The following IL23R variants were observed in gnomAD, a reference collection of about 807,000 sequenced individuals.
IL23R encodes the protein interleukin 23 receptor.
A neutral mutation model predicts 56.9 loss-of-function variants in IL23R; 34 were observed. The observed-to-expected ratio is 0.60, with a 90% CI of 0.45 to 0.80. The LOEUF is 0.80. Ranked by LOEUF, IL23R falls within the 30% of genes least tolerant of loss-of-function variation. IL23R has a pLI of 0.00. For synonymous variants in IL23R, 230 were observed against 249.2 expected (o/e 0.92, Z 0.73); for missense variants, 635 against 730.0 (o/e 0.87, Z 1.50).
chr1:67,169,529 G>A lies in IL23R; in HGVS notation c.258G>A (p.Arg86=), dbSNP rs753589961. Residue 86 remains arginine (R), a synonymous_variant, in exon 3 of 11, where the codon CGG becomes CGA. Transcript: ENST00000347310. The part of the protein sequence containing the change: ...QITRINKTTA[R]LWYKNFLEPH... The stretch of plus-strand genomic sequence containing the variant: ...CAAGGATTAATAAAACAACAGCTCG[G>A]CTTTGGTATAAAAACTTTCTGGAAC... The A allele has an allele frequency of 1.3e-5, 21 of 1,613,754 alleles. No individual in the cohort carries two copies. Among genetic ancestry groups the A allele is most frequent in the Non-Finnish European group, 1.8e-5 (21 of 1,179,840 alleles).
At position 67,227,945 on chromosome 1, in the gene IL23R, T is replaced by TCTTTCTCTTTCTTC. The variant is rs1650736626; in HGVS notation, c.955+8221_955+8222insCTTTCTTCCTTTCT. 7.5e-4 allele frequency among the ~76,000 whole-genome samples: 3 copies of TCTTTCTCTTTCTTC among 3,998 alleles called. No homozygotes were observed. The South Asian group carries it at 0.071, about 95-fold the overall frequency. The allele number at this position is 3,998 out of a possible 152,430, so 2.6% of individuals were successfully genotyped here. The stretch of plus-strand genomic sequence containing the variant: ...CCTATTACTACAGAACAAAGATCTT[T>TCTTTCTCTTTCTTC]CTTTCTTTCTTTCTTTCTTTCTTTC... On this transcript the variant is annotated intron_variant, in intron 7 of 10. Transcript: ENST00000347310.
Position 67,168,247 on chromosome 1 carries a change from G to A in IL23R, c.70+57G>A, listed in dbSNP as rs190416940. The A allele has an allele frequency of 2.5e-6, 3 of 1,201,044 alleles. No individual in the cohort carries two copies. The Admixed American group carries it at 5.0e-5, about 20-fold the overall frequency. The allele number at this position is 1,201,044 out of a possible 1,614,324, so 74.4% of individuals were successfully genotyped here. On this transcript the variant is annotated intron_variant, in intron 2 of 10. Transcript: ENST00000347310. ...TCATTCAACAAATGGAATATTGAGT[G>A]ATTATCATTTTCATGGTTTTATGTT...
intron 9 of IL23R, among the ~76,000 whole-genome samples, chr1:67,243,440 C>T (rs939241696): frequency 6.6e-6 from 1 of 152,072 alleles, no homozygotes; most frequent in Non-Finnish European, 1.5e-5. Flanking sequence ...GGAATTTCTC[C>T]TAATGCTATC....
chr1:67,249,808 A>G (rs1652495738), intron 9 of IL23R, among the ~76,000 whole-genome samples: 2 of 152,182 alleles, frequency 1.3e-5, no homozygotes, highest in Non-Finnish European at 2.9e-5. Flanking sequence ...TACTTGATAT[A>G]ATGCTTAACC....
intron 4 of IL23R, among the ~76,000 whole-genome samples, chr1:67,192,854 G>A (rs141966795): frequency 1.2e-3 from 186 of 152,154 alleles, no homozygotes; most frequent in African/African-American, 4.0e-3. Flanking sequence ...TGGTCCACTC[G>A]CTTCCTCCAG....
chr1:67,256,061 G>C lies in IL23R; in HGVS notation c.1239+134G>C, dbSNP rs1037401229. 4 of 606,656 alleles carry C rather than the reference G, an allele frequency of 6.6e-6. No homozygotes were observed. In the African/African-American group the frequency reaches 7.4e-5, roughly 11 times the overall value. The allele number at this position is 606,656 out of a possible 1,614,324, so 37.6% of individuals were successfully genotyped here. ...ACATAATTATATAGACATGTGTAAA[G>C]ACAAAACTGTACCTGTTTCAAATCA... On this transcript the variant is annotated intron_variant, in intron 10 of 10. Transcript: ENST00000347310.
At position 67,175,652 on chromosome 1, in the gene IL23R, ATG is replaced by A. The variant is rs373663767; in HGVS notation, c.367+6018_367+6019del. The stretch of plus-strand genomic sequence containing the variant: ...CTTCAAGTTTCATCCACATTGTAGC[ATG>A]TGTTAAAATTTCCTTCCTTTTTAAG... On this transcript the variant is annotated intron_variant, in intron 3 of 10. Transcript: ENST00000347310. Among the ~76,000 whole-genome samples the A allele has an allele frequency of 2.4e-3, 368 of 152,278 alleles. 1 individual carries two copies. The highest frequency in any genetic ancestry group is 8.4e-3 in the African/African-American group (350 of 41,548).
chr1:67,193,110 C>T (rs1647871252), intron 4 of IL23R, among the ~76,000 whole-genome samples: 1 of 152,210 alleles, frequency 6.6e-6, no homozygotes, highest in Non-Finnish European at 1.5e-5. Context: ...CAAGCAAGGT[C>T]CTGCCTCAGG....
intron 1 of IL23R, among the ~76,000 whole-genome samples, chr1:67,160,307 C>A (rs1216096717): frequency 1.3e-5 from 2 of 151,962 alleles, no homozygotes; most frequent in African/African-American, 4.8e-5. Flanking sequence ...TATACACCAG[C>A]AAAAAACAAA....
intron 6 of IL23R, among the ~76,000 whole-genome samples, chr1:67,216,942 T>C (rs1415725123): frequency 1.3e-5 from 2 of 152,110 alleles, no homozygotes; most frequent in Non-Finnish European, 2.9e-5. Flanking sequence ...TAAAAATTAC[T>C]TGGGCAGAAA....
intron 6 of IL23R, among the ~76,000 whole-genome samples, chr1:67,213,928 C>G (rs910177424): frequency 2.0e-5 from 3 of 152,250 alleles, no homozygotes; most frequent in African/African-American, 7.2e-5. Context: ...TCATTTACCT[C>G]TCTCCCTTCT....
At chr1:67,161,688 C>T (rs1170543743), upstream of IL23R, among the ~76,000 whole-genome samples, 1 of 151,794 alleles carries the variant, frequency 6.6e-6, no homozygotes, top group Non-Finnish European at 1.5e-5. Context: ...AGTGCTGTGG[C>T]GCGATCTCGG....
chr1:67,200,042 TTTTG>T (rs1385659602), intron 4 of IL23R, among the ~76,000 whole-genome samples: 1 of 152,016 alleles, frequency 6.6e-6, no homozygotes, highest in African/African-American at 2.4e-5. Context: ...AATTTTTTGT[TTTTG>T]TTTTTGTTTT....
At chr1:67,233,618 A>T (rs1651254199) in intron 7 of IL23R, among the ~76,000 whole-genome samples, 1 of 152,202 alleles carries the variant, frequency 6.6e-6, no homozygotes, top group South Asian at 2.1e-4. Context: ...CTCGTTTGAG[A>T]TCACTCTAAA....
intron 9 of IL23R, among the ~76,000 whole-genome samples, chr1:67,243,516 G>A (rs531006284): frequency 1.3e-5 from 2 of 152,034 alleles, no homozygotes; most frequent in East Asian, 3.9e-4. Context: ...GTGTCCGTGT[G>A]TTCTCATTGT....
intron 1 of IL23R, among the ~76,000 whole-genome samples, chr1:67,142,648 C>A (rs1050917422): frequency 3.3e-5 from 5 of 152,142 alleles, no homozygotes; most frequent in African/African-American, 9.7e-5. Context: ...TCACTGCAAC[C>A]TTCACCTCCT....
At position 67,177,373 on chromosome 1, in the gene IL23R, G is replaced by A. The variant is rs1447975607; in HGVS notation, c.368-5463G>A. 7.2e-5 allele frequency among the ~76,000 whole-genome samples: 11 copies of A among 152,300 alleles called. No homozygotes were observed. In the East Asian group the frequency reaches 2.1e-3, roughly 29 times the overall value. ...TTGCATTTCTCTGATGGCCAGTGATGATGAGCATTTTTTCATGTGTCTGTT... is the reference window on the plus strand; with the variant it reads ...TTGCATTTCTCTGATGGCCAGTGATAATGAGCATTTTTTCATGTGTCTGTT... On this transcript the variant is annotated intron_variant, in intron 3 of 10. Transcript: ENST00000347310.
chr1:67,163,109 C>T (rs1475856919), upstream of IL23R, among the ~76,000 whole-genome samples: 2 of 152,048 alleles, frequency 1.3e-5, no homozygotes, highest in African/African-American at 4.8e-5. Context: ...GCTGAATGAG[C>T]CATGAGGTGC....
At chr1:67,169,810 G>T (rs747307894) in intron 3 of IL23R, among the ~76,000 whole-genome samples, 172 bp downstream of exon 3, 1 of 152,170 alleles carries the variant, frequency 6.6e-6, no homozygotes, top group Non-Finnish European at 1.5e-5. Flanking sequence ...TGAACTATAT[G>T]AACTGTAGCC....
Sources: gnomAD v4.1 joint callset for allele counts (sites outside exome capture counted in the v4.1 genomes callset) on GRCh38, gnomAD v4.1.1 for gene constraint, MANE v1.5 for transcripts, NCBI Gene and HGNC (gene_info 2026-07-23, HGNC 2026-07-21) for gene names.